TLR5: variants seen among roughly 807,000 people sequenced by gnomAD.
The protein encoded by TLR5 is toll like receptor 5.
For synonymous variants in TLR5, 373 were observed against 384.4 expected, an observed-to-expected ratio of 0.97 and a Z score of 0.35; for missense variants, 944 against 999.8, an observed-to-expected ratio of 0.94 and a Z score of 0.75.
rs1015646208 is a variant in TLR5, at chr1:223,109,874, A to C, written c.*581T>G. The C allele has an allele frequency of 6.4e-6, 1 of 155,278 alleles. No individual in the cohort carries two copies. Among genetic ancestry groups the C allele is most frequent in the African/African-American group, 2.4e-5 (1 of 41,460 alleles). The allele number at this position is 155,278 out of a possible 1,614,324, so 9.6% of individuals were successfully genotyped here. On this transcript the variant is annotated 3_prime_UTR_variant, in exon 6 of 6. Coordinates refer to ENST00000642603, the MANE Select transcript of TLR5 (RefSeq NM_003268.6). ...AGACCTGGAGAAGCCGAAGGTAAGA[A>C]CATGAAGTGCAGTACAGTCACAAGA...
At position 223,131,100 on chromosome 1, in the gene TLR5, C is replaced by A. The variant is rs1657379514; in HGVS notation, c.-5+1375G>T. On this transcript the variant is annotated intron_variant, in intron 5 of 5. Transcript: ENST00000642603. The surrounding 1 kb of genome is among the most constrained non-coding windows in gnomAD (Gnocchi z 4.2). ...CTAGTCTCCCATAGTAAGCCTGACCCTGACACACACACCCCTCACTTACTA... is the reference window on the plus strand; with the variant it reads ...CTAGTCTCCCATAGTAAGCCTGACCATGACACACACACCCCTCACTTACTA... Among the ~76,000 whole-genome samples the A allele has an allele frequency of 6.6e-6, 1 of 152,164 alleles. No individual in the cohort carries two copies. Among genetic ancestry groups the A allele is most frequent in the Admixed American group, 6.5e-5 (1 of 15,284 alleles).
chr1:223,123,816 G>A (rs538182927), intron 5 of TLR5: 1 of 152,356 alleles, frequency 6.6e-6, no homozygotes, highest in South Asian at 2.1e-4. Context: ...TCAGTGAGAC[G>A]AGAGTTCAAG....
In TLR5 at chr1:223,111,516, C is replaced by A. The variant is rs749298060; in HGVS notation, c.1516G>T (p.Val506Phe). The A allele has an allele frequency of 2.9e-5, 47 of 1,614,016 alleles. No homozygotes were observed. The highest frequency in any genetic ancestry group is 1.5e-4 in the Admixed American group (9 of 60,002). The change falls in exon 6 of 6, where the codon GTT becomes TTT. Residue 506 changes from valine to phenylalanine, a missense_variant. Physicochemically the swap from Val to Phe is conservative, Grantham distance 50. Coordinates refer to ENST00000642603, the MANE Select transcript of TLR5 (RefSeq NM_003268.6). ...DVFEGLSHLQ[V>F]LYLNHNYLNS... Reference sequence around the variant, plus strand: ...AGATAGTTATGATTCAAATACAGAACTTGAAGATGAGAAAGTCCCTCAAAA... The same window carrying A: ...AGATAGTTATGATTCAAATACAGAAATTGAAGATGAGAAAGTCCCTCAAAA...
rs759556428 is a variant in TLR5, at chr1:223,134,856, A to G, written c.-344T>C. On this transcript the variant is annotated 5_prime_UTR_variant, in exon 4 of 6. Transcript: ENST00000642603. ...GCAGATGAGAGTAGGGAAGTCCAGT[A>G]TAGCATCCCTGAAAGTAATGACACA... The G allele has an allele frequency of 6.6e-6, 1 of 152,250 alleles. No homozygotes were observed. The allele number at this position is 152,250 out of a possible 1,614,324, so 9.4% of individuals were successfully genotyped here. A position where few individuals can be genotyped will look rare whatever the true frequency, so the allele number is the denominator to read the frequency against.
In TLR5 at chr1:223,115,740, G is replaced by A. The variant is rs563330376; in HGVS notation, c.-4-2705C>T. ...AAAGGAGATGGGGGTGCCATGGCTC[G>A]GGTGGTGGCTGCTGTTTATAGAGAG... On this transcript the variant is annotated intron_variant, in intron 5 of 5. Coordinates refer to ENST00000642603, the MANE Select transcript of TLR5 (RefSeq NM_003268.6). Among the ~76,000 whole-genome samples the A allele has an allele frequency of 4.3e-4, 65 of 152,264 alleles. No individual in the cohort carries two copies. In the South Asian group the frequency reaches 5.8e-3, roughly 14 times the overall value.
rs565782780 is a variant in TLR5, at chr1:223,112,540, A to G, written c.492T>C (p.Pro164=). The G allele has an allele frequency of 1.2e-6, 2 of 1,614,288 alleles. No homozygotes were observed. The highest frequency in any genetic ancestry group is 4.5e-5 in the East Asian group (2 of 44,894). The part of the protein sequence containing the change: ...KNQIRSLYLH[P]SFGKLNSLKS... ...TTAAGGAATTCAACTTCCCAAATGA[A>G]GGATGAAGGTAAAGGCTACGAATCT... Residue 164 remains proline, a synonymous_variant, in exon 6 of 6, where the codon CCT becomes CCC. Transcript: ENST00000642603.
chr1:223,112,328 C>A lies in TLR5; in HGVS notation c.704G>T (p.Gly235Val). The A allele has an allele frequency of 6.2e-7, 1 of 1,614,190 alleles. No homozygotes were observed. Among genetic ancestry groups the A allele is most frequent in the Non-Finnish European group, 8.5e-7 (1 of 1,180,032 alleles). ...NMVLEILDVS[G>V]NGWTVDITGN... ...TGTGATGTCCACTGTCCAGCCATTT[C>A]CAGAAACATCTAGTATCTCCAGCAC... Residue 235 changes from glycine (G) to valine (V), a missense_variant, in exon 6 of 6, where the codon GGA becomes GTA. Coordinates refer to ENST00000642603, the MANE Select transcript of TLR5 (RefSeq NM_003268.6).
intron 5 of TLR5, among the ~76,000 whole-genome samples, chr1:223,130,003 CCTTTTATGTGCA>C (rs542629868): frequency 4.7e-4 from 72 of 152,194 alleles, no homozygotes; most frequent in South Asian, 3.1e-3. Flanking sequence ...CCTAAATTTC[CCTTTTATGTGCA>C]CTTTTATGTG....
At chr1:223,140,045 G>A (rs115561151) in intron 2 of TLR5, among the ~76,000 whole-genome samples, 57 of 152,252 alleles carry the variant, frequency 3.7e-4, no homozygotes, top group African/African-American at 1.3e-3. Flanking sequence ...TGGACAATAC[G>A]GAGCTTCAAC....
Position 223,109,814 on chromosome 1 carries a change from A to C in TLR5, c.*641T>G, listed in dbSNP as rs1346222099. On this transcript the variant is annotated 3_prime_UTR_variant, in exon 6 of 6. Transcript: ENST00000642603. The stretch of plus-strand genomic sequence containing the variant: ...TTGAAGGCCAGGCTTAAATAAAGGC[A>C]GCATGTGAGAGAAAGTTCTTGGCTC... 6.5e-6 allele frequency: 1 copy of C among 153,832 alleles called. No individual in the cohort carries two copies. The highest frequency in any genetic ancestry group is 2.4e-5 in the African/African-American group (1 of 41,484). 9.5% of individuals were successfully genotyped at this position (153,832 alleles called of 1,614,324 possible).
intron 2 of TLR5, among the ~76,000 whole-genome samples, chr1:223,138,321 C>A (rs1282992541): frequency 6.6e-6 from 1 of 151,992 alleles, no homozygotes; most frequent in African/African-American, 2.4e-5. Flanking sequence ...TAGCATTGGG[C>A]AGCTTTGGCC....
At chr1:223,117,390 C>A (rs1322450653) in intron 5 of TLR5, among the ~76,000 whole-genome samples, 1 of 151,880 alleles carries the variant, frequency 6.6e-6, no homozygotes, top group Non-Finnish European at 1.5e-5. Flanking sequence ...TCCCACAGTG[C>A]ACCGGTGGGC....
intron 1 of TLR5, among the ~76,000 whole-genome samples, chr1:223,142,144 G>A (rs1160144808): frequency 6.6e-6 from 1 of 152,084 alleles, no homozygotes; most frequent in Admixed American, 6.5e-5. Context: ...GTAAATGCAG[G>A]AGAAAATTGA....
intron 1 of TLR5, among the ~76,000 whole-genome samples, 163 bp from the exon 2 acceptor site, chr1:223,141,926 C>A (rs1379655173): frequency 6.6e-6 from 1 of 151,428 alleles, no homozygotes; most frequent in Non-Finnish European, 1.5e-5. Flanking sequence ...CCTCTGGGAC[C>A]TCCCCTGGAA....
At chr1:223,132,922 A>G (rs1282389763) in intron 4 of TLR5, among the ~76,000 whole-genome samples, 1 of 152,156 alleles carries the variant, frequency 6.6e-6, no homozygotes, top group East Asian at 1.9e-4. Flanking sequence ...AATCTCTTTC[A>G]TGACATTTCT....
rs946759692 is a variant in TLR5, at chr1:223,143,221, T to G, written c.-580A>C. The G allele has an allele frequency of 1.3e-5, 2 of 152,326 alleles. No homozygotes were observed. The highest frequency in any genetic ancestry group is 4.8e-5 in the African/African-American group (2 of 41,578). 9.4% of individuals were successfully genotyped at this position (152,326 alleles called of 1,614,324 possible). The stretch of plus-strand genomic sequence containing the variant: ...CTCTGGGACGCCTCCCCGCGCCGCC[T>G]GCGCCACGGTTGGCTCCTCCCGGAC... On this transcript the variant is annotated 5_prime_UTR_variant, in exon 1 of 6. Transcript: ENST00000642603.
intron 2 of TLR5, among the ~76,000 whole-genome samples, chr1:223,139,233 G>A (rs140854792): frequency 8.1e-4 from 123 of 152,172 alleles, no homozygotes; most frequent in Non-Finnish European, 1.3e-3. Context: ...TTTGTCCTTC[G>A]TTTGATATTT....
rs932621839 is a variant in TLR5, at chr1:223,111,082, C to G, written c.1950G>C (p.Leu650=). The stretch of plus-strand genomic sequence containing the variant: ...TGAGGATGGTCATGAGGAACAGAGT[C>G]AGAGTGACAGTGCATACAATGAAAA... ...FSLFIVCTVT[L]TLFLMTILTV... Residue 650 remains leucine (L), a synonymous_variant, in exon 6 of 6, where the codon CTG becomes CTC. Coordinates refer to ENST00000642603, the MANE Select transcript of TLR5 (RefSeq NM_003268.6). 2 of 1,614,156 alleles carry G rather than the reference C, an allele frequency of 1.2e-6. No homozygotes were observed. The highest frequency in any genetic ancestry group is 2.7e-5 in the African/African-American group (2 of 75,036).
intron 5 of TLR5, chr1:223,127,725 C>CT (rs1188773940): frequency 6.6e-6 from 1 of 152,288 alleles, no homozygotes; most frequent in African/African-American, 2.4e-5. Context: ...GGAGTGATCG[C>CT]TTTTTCATTC....
Sources: gnomAD v4.1 joint callset for allele counts (sites outside exome capture counted in the v4.1 genomes callset) on GRCh38, gnomAD v4.1.1 for gene constraint, Gnocchi (gnomAD v3.1) non-coding constraint, MANE v1.5 for transcripts, NCBI Gene and HGNC (gene_info 2026-07-23, HGNC 2026-07-21) for gene names.